Variants in SNX29 observed in about 807,000 individuals in gnomAD.
SNX29 encodes the protein sorting nexin 29.
In SNX29, 78 loss-of-function variants were observed where a neutral mutation model predicts 102.1. The observed-to-expected ratio is 0.76, with a 90% CI of 0.64 to 0.92. The LOEUF is 0.92. SNX29 is among the 40% of genes least tolerant of loss of function. The pLI, the probability that SNX29 is intolerant of heterozygous loss-of-function variation, is 0.00. For synonymous variants in SNX29, 580 were observed against 414.5 expected, an observed-to-expected ratio of 1.40 and a Z score of -4.85; for missense variants, 1,280 against 1,061.7, an observed-to-expected ratio of 1.21 and a Z score of -2.86.
chr16:12,502,706 C>G (rs1050724935), intron 19 of SNX29, among the ~76,000 whole-genome samples: 3 of 152,318 alleles, frequency 2.0e-5, no homozygotes, highest in Admixed American at 1.3e-4. Context: ...TCAGTACCCT[C>G]TACGTGAAAC....
intron 18 of SNX29, among the ~76,000 whole-genome samples, chr16:12,423,669 C>G (rs527541675): frequency 6.6e-5 from 10 of 152,288 alleles, no homozygotes; most frequent in African/African-American, 2.4e-4. Flanking sequence ...CTCCCGTGTT[C>G]AAACCATTCT....
intron 17 of SNX29, among the ~76,000 whole-genome samples, chr16:12,402,687 C>T (rs552658033): frequency 1.1e-4 from 17 of 152,218 alleles, no homozygotes; most frequent in South Asian, 1.0e-3. Flanking sequence ...CTGGCCCACG[C>T]GAGGTGAGAA....
At chr16:12,286,564 C>T (rs1346600150) in intron 15 of SNX29, among the ~76,000 whole-genome samples, 1 of 151,968 alleles carries the variant, frequency 6.6e-6, no homozygotes, top group South Asian at 2.1e-4. Flanking sequence ...CCAGGATGGT[C>T]TCGATCTCCT....
At chr16:12,293,406 C>T (rs1365278082) in intron 15 of SNX29, among the ~76,000 whole-genome samples, 2 of 152,210 alleles carry the variant, frequency 1.3e-5, no homozygotes, top group African/African-American at 2.4e-5. Flanking sequence ...TGACTGTGAT[C>T]CTGCTTTCCT....
Position 12,398,640 on chromosome 16 carries a change from G to A in SNX29, c.1955+139G>A, listed in dbSNP as rs951051136. On this transcript the variant is annotated intron_variant, in intron 17 of 20. Coordinates refer to ENST00000566228, the MANE Select transcript of SNX29 (RefSeq NM_032167.5). ...GGTTGATGTGGTTCTTGTAGAGCTG[G>A]TAGGAGTCGCTCTCCTACAGCCTCA... 5 of 935,220 alleles carry A rather than the reference G, an allele frequency of 5.3e-6. No homozygotes were observed. The Admixed American group carries it at 6.1e-5, about 11-fold the overall frequency. The allele number at this position is 935,220 out of a possible 1,614,324, so 57.9% of individuals were successfully genotyped here. A position where few individuals can be genotyped will look rare whatever the true frequency, so the allele number is the denominator to read the frequency against.
intron 20 of SNX29, among the ~76,000 whole-genome samples, chr16:12,554,531 C>T (rs900380417): frequency 4.6e-5 from 7 of 152,200 alleles, no homozygotes; most frequent in Non-Finnish European, 7.3e-5. Context: ...TGAACATTCT[C>T]GCCCACGTTT....
In SNX29 at chr16:12,061,649, G is replaced by A. The variant is rs747906035; in HGVS notation, c.1243+3G>A. 28 of 1,608,034 alleles carry A rather than the reference G, an allele frequency of 1.7e-5. No individual in the cohort carries two copies. The highest frequency in any genetic ancestry group is 2.0e-5 in the Non-Finnish European group (23 of 1,177,338). On this transcript the variant is annotated splice_donor_region_variant and intron_variant, in intron 9 of 20. Transcript: ENST00000566228. Reference sequence around the variant, plus strand: ...CGTGGGCTCCTACAGCCCAGCAGGTGGGTGTCTCCCGATTACTCCTTTCCT... The same window carrying A: ...CGTGGGCTCCTACAGCCCAGCAGGTAGGTGTCTCCCGATTACTCCTTTCCT...
intron 15 of SNX29, among the ~76,000 whole-genome samples, chr16:12,285,106 T>G (rs2079550403): frequency 6.6e-6 from 1 of 152,220 alleles, no homozygotes; most frequent in Non-Finnish European, 1.5e-5. Context: ...TAGGTTAGAA[T>G]CTGTTTATTT....
intron 19 of SNX29, among the ~76,000 whole-genome samples, chr16:12,519,554 G>A (rs1477622908): frequency 6.6e-6 from 1 of 152,186 alleles, no homozygotes; most frequent in African/African-American, 2.4e-5. Flanking sequence ...GTATTTAGGA[G>A]TAAAATGTCA....
intron 3 of SNX29, among the ~76,000 whole-genome samples, chr16:12,010,318 C>T (rs1265476147): frequency 6.6e-6 from 1 of 152,154 alleles, no homozygotes; most frequent in Non-Finnish European, 1.5e-5. Flanking sequence ...TATTCATCTG[C>T]ATTTAGAAGT....
intron 14 of SNX29, among the ~76,000 whole-genome samples, chr16:12,246,687 T>G (rs2078269574): frequency 6.6e-6 from 1 of 152,170 alleles, no homozygotes; most frequent in Non-Finnish European, 1.5e-5. Flanking sequence ...CATGGTTGAC[T>G]CCCTGAGTCA....
chr16:12,554,269 C>T (rs1333316433), intron 20 of SNX29, among the ~76,000 whole-genome samples: 1 of 152,210 alleles, frequency 6.6e-6, no homozygotes, highest in Non-Finnish European at 1.5e-5. Flanking sequence ...TTTGGTGCAT[C>T]TGTGTATACA....
intron 20 of SNX29, among the ~76,000 whole-genome samples, chr16:12,552,432 C>T (rs111920951): frequency 6.6e-6 from 1 of 152,136 alleles, no homozygotes; most frequent in Admixed American, 6.6e-5. Flanking sequence ...TCTTTTGGCT[C>T]GAGAGCTGGA....
In SNX29 at chr16:12,042,884, C is replaced by T; in HGVS notation, c.248-13C>T. The T allele has an allele frequency of 1.3e-6, 2 of 1,595,444 alleles. No homozygotes were observed. The highest frequency in any genetic ancestry group is 1.7e-6 in the Non-Finnish European group (2 of 1,167,258). ...CAGGCCGAGTGCCAGGCGCCTGTGC[C>T]CTCTCTCCGTAGAGCCCGTGTTCTG... On this transcript the variant is annotated splice_polypyrimidine_tract_variant and intron_variant, in intron 4 of 20. Transcript: ENST00000566228.
intron 18 of SNX29, among the ~76,000 whole-genome samples, chr16:12,415,674 G>A (rs950982750): frequency 6.6e-6 from 1 of 152,088 alleles, no homozygotes; most frequent in Non-Finnish European, 1.5e-5. Flanking sequence ...TCCAGGGGAG[G>A]AAGTGAGGCC....
intron 13 of SNX29, among the ~76,000 whole-genome samples, chr16:12,162,384 G>A (rs1009311752): frequency 1.1e-4 from 16 of 152,174 alleles, no homozygotes; most frequent in East Asian, 3.9e-4. Flanking sequence ...ACCCTCCTAA[G>A]TAGATGAGGA....
At chr16:12,349,113 A>G (rs918119640) in intron 15 of SNX29, among the ~76,000 whole-genome samples, 4 of 152,186 alleles carry the variant, frequency 2.6e-5, no homozygotes, top group African/African-American at 4.8e-5. Context: ...GAGTAAAATA[A>G]ACTGTGTAGC....
At chr16:12,187,382 C>A (rs2076537278) in intron 13 of SNX29, among the ~76,000 whole-genome samples, 1 of 152,154 alleles carries the variant, frequency 6.6e-6, no homozygotes, top group Non-Finnish European at 1.5e-5. Context: ...GGGCAAAACC[C>A]TGTCTCTACT....
chr16:12,237,011 C>T (rs2142251169), intron 14 of SNX29, among the ~76,000 whole-genome samples: 1 of 152,268 alleles, frequency 6.6e-6, no homozygotes, highest in African/African-American at 2.4e-5. Flanking sequence ...AGGCTTGGAC[C>T]TCCGGCTGGC....
Sources: gnomAD v4.1 joint callset for allele counts (sites outside exome capture counted in the v4.1 genomes callset) on GRCh38, gnomAD v4.1.1 for gene constraint, MANE v1.5 for transcripts, NCBI Gene and HGNC (gene_info 2026-07-23, HGNC 2026-07-21) for gene names.